The following SMC1A variants were observed in gnomAD, a reference collection of about 807,000 sequenced individuals.
SMC1A encodes the protein structural maintenance of chromosomes 1A.
In SMC1A, 4 loss-of-function variants were observed where a neutral mutation model predicts 94.5. The observed-to-expected ratio is 0.04, with a 90% CI of 0.02 to 0.10. The LOEUF (loss-of-function observed/expected upper bound fraction) is 0.10. SMC1A is among the 10% of genes least tolerant of loss of function. SMC1A has a pLI of 1.00. For synonymous variants in SMC1A, 345 were observed against 347.7 expected, an observed-to-expected ratio of 0.99 and a Z score of 0.09; for missense variants, 304 against 989.0, an observed-to-expected ratio of 0.31 and a Z score of 9.29.
chrX:53,413,563 A>T, intron 3 of SMC1A, 128 bp from the exon 4 acceptor site: 1 of 613,405 alleles, frequency 1.6e-6, no homozygotes, highest in East Asian at 3.6e-5. Flanking sequence ...CACATTTCAC[A>T]CTGGGCTTTG....
At chrX:53,409,024 G>C (rs782724620) in intron 9 of SMC1A, 38 bp downstream of exon 9, 5 of 1,157,121 alleles carry the variant, frequency 4.3e-6, no homozygotes, top group South Asian at 3.6e-5. Flanking sequence ...GACAGTGAGT[G>C]TAAGTGCTCA....
chrX:53,383,344 C>T (rs1357567955), intron 19 of SMC1A, 91 bp from the exon 20 acceptor site: 9 of 929,063 alleles, frequency 9.7e-6, no homozygotes, highest in African/African-American at 7.8e-5. Flanking sequence ...GTGGCCTGGG[C>T]GCCTGCTCCT....
At chrX:53,422,214 G>A (rs112531576) in intron 1 of SMC1A, among the ~76,000 whole-genome samples, 3 of 112,285 alleles carry the variant, frequency 2.7e-5, no homozygotes, top group Admixed American at 9.4e-5. Flanking sequence ...CGACTCCTTT[G>A]GCGGGAGGGG....
intron 19 of SMC1A, among the ~76,000 whole-genome samples, 181 bp downstream of exon 19, chrX:53,394,597 A>G (rs782528343): frequency 6.3e-5 from 7 of 110,920 alleles, no homozygotes; most frequent in African/African-American, 2.0e-4. Context: ...CTGTTTGAAT[A>G]TATGAGGTGG....
At position 53,387,383 on chromosome X, in the gene SMC1A, G is replaced by C. The variant is rs147457891; in HGVS notation, c.2974-4130C>G. Among the ~76,000 whole-genome samples the C allele has an allele frequency of 9.3e-4, 104 of 112,139 alleles. No homozygotes were observed. In the East Asian group the frequency reaches 0.027, roughly 29 times the overall value. ...ATGTGTTATTATGTTAGTGTTGCTA[G>C]GAACTGAGATTTTCAGCAACAATAA... is the stretch of plus-strand genomic sequence containing the variant. On this transcript the variant is annotated intron_variant, in intron 19 of 24. Coordinates refer to ENST00000322213, the MANE Select transcript of SMC1A (RefSeq NM_006306.4).
chrX:53,404,005 A>C (rs1407462604), intron 13 of SMC1A, 112 bp from the exon 14 acceptor site: 2 of 582,350 alleles, frequency 3.4e-6, no homozygotes, highest in South Asian at 2.3e-5. Flanking sequence ...AACTGAGAGA[A>C]CCTGGCTTAG....
At position 53,375,217 on chromosome X, in the gene SMC1A, T is replaced by C. The variant is rs782813945; in HGVS notation, c.*4886A>G. 5 of 112,262 alleles carry C rather than the reference T, an allele frequency of 4.5e-5. No homozygotes were observed. Among genetic ancestry groups the C allele is most frequent in the African/African-American group, 1.3e-4 (4 of 30,860 alleles). The allele number at this position is 112,262 out of a possible 1,213,427, so 9.3% of individuals were successfully genotyped here. On this transcript the variant is annotated 3_prime_UTR_variant, in exon 25 of 25. Coordinates refer to ENST00000322213, the MANE Select transcript of SMC1A (RefSeq NM_006306.4). ...CATCTTGTTTGACCTGTCCAATACA[T>C]TGACCTTCAAGGTTCAACCTAAGTC...
At chrX:53,398,413 A>T (rs1344132932) in intron 16 of SMC1A, among the ~76,000 whole-genome samples, 1 of 111,202 alleles carries the variant, frequency 9.0e-6, no homozygotes, top group Admixed American at 9.6e-5. Flanking sequence ...CACACAATAC[A>T]TGGTGGCACA....
chrX:53,383,104 G>A lies in SMC1A; in HGVS notation c.3123C>T (p.Thr1041=), dbSNP rs1556886122. The A allele has an allele frequency of 8.3e-6, 10 of 1,207,114 alleles. No individual in the cohort carries two copies. The highest frequency in any genetic ancestry group is 1.1e-5 in the Non-Finnish European group (10 of 893,781). The change falls in exon 20 of 25, where the codon ACC becomes ACT. Residue 1041 remains threonine, a synonymous_variant. Coordinates refer to ENST00000322213, the MANE Select transcript of SMC1A (RefSeq NM_006306.4). The stretch of plus-strand genomic sequence containing the variant: ...TAGAAGGGTAAATCTTACCATCTGA[G>A]GTCTCCTGGAACTTGTCTCGGACAC... ...LESVRDKFQE[T]SDEFEAARKR...
intron 23 of SMC1A, 29 bp from the exon 24 acceptor site, chrX:53,380,759 A>G (rs782673881): frequency 2.4e-5 from 25 of 1,042,091 alleles, no homozygotes; most frequent in Non-Finnish European, 3.2e-5. Context: ...GGCACTTAGC[A>G]AGGCTCAAAC....
intron 1 of SMC1A, among the ~76,000 whole-genome samples, chrX:53,420,709 C>T (rs1418385253): frequency 1.2e-4 from 13 of 111,042 alleles, no homozygotes; most frequent in Non-Finnish European, 5.7e-5. Flanking sequence ...AACCAATATC[C>T]AACCTTTGGG....
At chrX:53,420,085 T>C (rs376141519) in intron 1 of SMC1A, among the ~76,000 whole-genome samples, 323 of 111,987 alleles carry the variant, frequency 2.9e-3, no homozygotes, top group Non-Finnish European at 4.5e-3. Context: ...GTGCGGCACA[T>C]ACTTCTCTAT....
At chrX:53,395,724 T>C (rs1556887928) in intron 18 of SMC1A, among the ~76,000 whole-genome samples, 3 of 111,393 alleles carry the variant, frequency 2.7e-5, no homozygotes, top group Non-Finnish European at 5.7e-5. Context: ...TTGGCTAGTA[T>C]CTCTGGTTTT....
intron 9 of SMC1A, among the ~76,000 whole-genome samples, chrX:53,406,421 A>G (rs782377292): frequency 8.9e-6 from 1 of 111,897 alleles, no homozygotes; most frequent in South Asian, 3.7e-4. Flanking sequence ...AAATGAATAA[A>G]TGAGTTATGT....
chrX:53,408,859 AAAAG>A (rs1467612272), intron 9 of SMC1A, among the ~76,000 whole-genome samples, 199 bp downstream of exon 9: 1 of 109,452 alleles, frequency 9.1e-6, no homozygotes, highest in African/African-American at 3.3e-5. Flanking sequence ...AAAAAAAAAA[AAAAG>A]AACATGAGCT....
chrX:53,422,113 G>A (rs782392651), intron 1 of SMC1A: 1 of 1,101,233 alleles, frequency 9.1e-7, no homozygotes, highest in African/African-American at 1.8e-5. Flanking sequence ...TCTCCGGAGG[G>A]GGTCAAGTAA....
intron 16 of SMC1A, among the ~76,000 whole-genome samples, chrX:53,398,706 A>G (rs1556888404): frequency 9.0e-6 from 1 of 111,714 alleles, no homozygotes; most frequent in African/African-American, 3.3e-5. Context: ...GTGTATTACT[A>G]AAGTTTGAAG....
intron 9 of SMC1A, 74 bp from the exon 10 acceptor site, chrX:53,406,030 T>C (rs1602410379): frequency 2.1e-6 from 2 of 960,233 alleles, no homozygotes; most frequent in Non-Finnish European, 3.0e-6. Flanking sequence ...ATTCCCAGTA[T>C]GGAAAGGGGG....
chrX:53,392,812 A>G lies in SMC1A; in HGVS notation c.2973+1966T>C, dbSNP rs782654187. Among the ~76,000 whole-genome samples the G allele has an allele frequency of 2.7e-5, 3 of 111,628 alleles. No homozygotes were observed. In the East Asian group the frequency reaches 8.4e-4, roughly 31 times the overall value. ...CTGATAGTGTTCCCAAAGTGCTGAGATTACAGGCATGAGCCACTGTGCCCG... is the reference window on the plus strand; with the variant it reads ...CTGATAGTGTTCCCAAAGTGCTGAGGTTACAGGCATGAGCCACTGTGCCCG... On this transcript the variant is annotated intron_variant, in intron 19 of 24. Transcript: ENST00000322213.
Sources: allele counts gnomAD v4.1 joint callset (sites outside exome capture counted in the v4.1 genomes callset), GRCh38; gene constraint gnomAD v4.1.1; transcripts MANE v1.5; gene names NCBI Gene and HGNC (gene_info 2026-07-23, HGNC 2026-07-21).